KLHL1: variants seen among roughly 807,000 people sequenced by gnomAD.
The protein encoded by KLHL1 is kelch like family member 1.
Under a neutral mutation model 77.7 loss-of-function variants are expected in KLHL1, and 47 were observed. The ratio of observed to expected loss-of-function variants is 0.60; its 90% CI spans 0.48 to 0.77. The LOEUF is 0.77. KLHL1 is among the 30% of genes least tolerant of loss of function. KLHL1 has a pLI of 0.00. For missense variants in KLHL1, 925 were observed against 910.8 expected (o/e 1.02, Z -0.20); for synonymous variants, 360 against 325.2 (o/e 1.11, Z -1.15).
At chr13:69,740,285 A>T in intron 8 of KLHL1, 109 bp downstream of exon 8, 2 of 775,422 alleles carry the variant, frequency 2.6e-6, no homozygotes, top group Non-Finnish European at 3.9e-6. Context: ...TCAACAGCTT[A>T]AAATGTTTTA....
chr13:69,741,851 C>G (rs1874003013), intron 7 of KLHL1, among the ~76,000 whole-genome samples: 1 of 152,152 alleles, frequency 6.6e-6, no homozygotes, highest in Non-Finnish European at 1.5e-5. Flanking sequence ...GATATTCTAT[C>G]TCCCAGACTC....
At chr13:69,794,105 C>T (rs536086398) in intron 7 of KLHL1, among the ~76,000 whole-genome samples, 2 of 152,224 alleles carry the variant, frequency 1.3e-5, no homozygotes, top group East Asian at 3.9e-4. Context: ...CTCATTTAAG[C>T]TACCAGCTCT....
chr13:69,962,386 A>G (rs1258770523), intron 2 of KLHL1, among the ~76,000 whole-genome samples: 1 of 152,038 alleles, frequency 6.6e-6, no homozygotes, highest in Non-Finnish European at 1.5e-5. Context: ...TAGGTAGATG[A>G]CTACATCATC....
intron 6 of KLHL1, among the ~76,000 whole-genome samples, chr13:69,822,377 A>G (rs1489891005): frequency 6.6e-6 from 1 of 152,168 alleles, no homozygotes; most frequent in Non-Finnish European, 1.5e-5. Flanking sequence ...ATAATTTCCA[A>G]TTATTGAAAC....
intron 1 of KLHL1, among the ~76,000 whole-genome samples, chr13:70,064,983 T>C (rs1010741558): frequency 6.6e-6 from 1 of 152,150 alleles, no homozygotes; most frequent in Non-Finnish European, 1.5e-5. Context: ...TATTTAATTA[T>C]AGTAATGAAG....
intron 6 of KLHL1, among the ~76,000 whole-genome samples, chr13:69,827,222 A>C (rs116446485): frequency 2.6e-5 from 4 of 151,704 alleles, no homozygotes; most frequent in African/African-American, 9.7e-5. Flanking sequence ...ATGGAAATAT[A>C]ATAGAGCATA....
At chr13:70,069,577 T>C (rs1202122417) in intron 1 of KLHL1, among the ~76,000 whole-genome samples, 2 of 152,042 alleles carry the variant, frequency 1.3e-5, no homozygotes, top group African/African-American at 4.8e-5. Flanking sequence ...TAAATGGTAA[T>C]AGCAGACAAC....
At chr13:70,042,963 T>C (rs1023958850) in intron 1 of KLHL1, among the ~76,000 whole-genome samples, 3 of 152,192 alleles carry the variant, frequency 2.0e-5, no homozygotes, top group African/African-American at 7.2e-5. Flanking sequence ...TGGAGTGCAG[T>C]GGCATAATCC....
chr13:69,773,520 G>C (rs1331759463), intron 7 of KLHL1, among the ~76,000 whole-genome samples: 1 of 151,900 alleles, frequency 6.6e-6, no homozygotes, highest in Admixed American at 6.6e-5. Context: ...GTAATAAATG[G>C]TAATAAGAGA....
At chr13:69,748,069 T>C (rs1395573593) in intron 7 of KLHL1, among the ~76,000 whole-genome samples, 1 of 152,056 alleles carries the variant, frequency 6.6e-6, no homozygotes, top group Admixed American at 6.6e-5. Context: ...ATAGAGCCTA[T>C]ATTCTAGAGG....
At chr13:69,976,841 C>A (rs1386574500) in intron 1 of KLHL1, among the ~76,000 whole-genome samples, 1 of 152,008 alleles carries the variant, frequency 6.6e-6, no homozygotes, top group South Asian at 2.1e-4. Context: ...ACTTAGAAAG[C>A]TAAGATCCTG....
chr13:69,899,864 T>C (rs529885730), intron 4 of KLHL1, among the ~76,000 whole-genome samples: 1 of 152,154 alleles, frequency 6.6e-6, no homozygotes, highest in South Asian at 2.1e-4. Flanking sequence ...CAGAATAATT[T>C]GTACTATGAA....
Position 69,936,784 on chromosome 13 carries a change from C to T in KLHL1, c.1014+3256G>A, listed in dbSNP as rs138894645. ...GGGAAGTTTCTACTGAAGATTTCAA[C>T]CTTCATTTCAACATGAATTTTCTCA... On this transcript the variant is annotated intron_variant, in intron 4 of 10. Transcript: ENST00000377844. Among the ~76,000 whole-genome samples, 14 of 152,108 alleles carry T rather than the reference C, an allele frequency of 9.2e-5. No individual in the cohort carries two copies. In the East Asian group the frequency reaches 2.5e-3, roughly 27 times the overall value.
intron 1 of KLHL1, among the ~76,000 whole-genome samples, chr13:70,022,776 TC>T (rs1885837345): frequency 7.2e-6 from 1 of 139,696 alleles, no homozygotes; most frequent in African/African-American, 2.6e-5. Context: ...GTCAAGTTAT[TC>T]TCCAAGCATA....
chr13:69,782,491 A>G (rs557305698), intron 7 of KLHL1, among the ~76,000 whole-genome samples: 1 of 152,332 alleles, frequency 6.6e-6, no homozygotes, highest in East Asian at 1.9e-4. Context: ...ACGGGCTTAA[A>G]AAATGGCACA....
chr13:70,105,868 A>G (rs892980182), intron 1 of KLHL1, among the ~76,000 whole-genome samples: 4 of 150,970 alleles, frequency 2.6e-5, no homozygotes, highest in Non-Finnish European at 4.4e-5. Context: ...TGGAAAAACC[A>G]TTGACACAAT....
chr13:69,750,514 A>G lies in KLHL1; in HGVS notation c.1640-9958T>C, dbSNP rs79937852. 2.3e-3 allele frequency among the ~76,000 whole-genome samples: 355 copies of G among 151,960 alleles called. 1 individual carries two copies. The highest frequency in any genetic ancestry group is 8.0e-3 in the African/African-American group (333 of 41,548). On this transcript the variant is annotated intron_variant, in intron 7 of 10. Transcript: ENST00000377844. ...ATATTAAATATACATGTATGTGTGTATATATATGCATGTGTATATATATGC... is the reference window on the plus strand; with the variant it reads ...ATATTAAATATACATGTATGTGTGTGTATATATGCATGTGTATATATATGC...
At chr13:69,838,680 A>G (rs1879123155) in intron 6 of KLHL1, among the ~76,000 whole-genome samples, 2 of 151,964 alleles carry the variant, frequency 1.3e-5, no homozygotes, top group South Asian at 4.1e-4. Context: ...TTGGCATTGA[A>G]ATAGCATTCT....
chr13:69,934,962 G>GTATATATATATATATATATATA (rs67195697), intron 4 of KLHL1, among the ~76,000 whole-genome samples: 282 of 129,696 alleles, frequency 2.2e-3, no homozygotes, highest in East Asian at 5.9e-3. Context: ...GTGTGCATGT[G>GTATATATATATATATATATATA]TATATATATA....
Sources: allele counts gnomAD v4.1 joint callset (sites outside exome capture counted in the v4.1 genomes callset), GRCh38; gene constraint gnomAD v4.1.1; transcripts MANE v1.5; gene names NCBI Gene and HGNC (gene_info 2026-07-23, HGNC 2026-07-21).